The following ANXA2 variants were observed in gnomAD, a reference collection of about 807,000 sequenced individuals.
The protein encoded by ANXA2 is annexin A2.
ANXA2 carries 28 observed loss-of-function variants against 47.3 expected under a neutral mutation model. The ratio of observed to expected loss-of-function variants is 0.59; its 90% CI spans 0.44 to 0.81. The LOEUF is 0.81. Ranked by LOEUF, ANXA2 falls within the 40% of genes least tolerant of loss-of-function variation. The pLI is 0.00. For synonymous variants in ANXA2, 172 were observed against 155.5 expected, an observed-to-expected ratio of 1.11 and a Z score of -0.79; for missense variants, 384 against 414.3, an observed-to-expected ratio of 0.93 and a Z score of 0.64.
chr15:60,355,836 G>C, intron 7 of ANXA2, 83 bp downstream of exon 7: 1 of 1,166,560 alleles, frequency 8.6e-7, no homozygotes, highest in Non-Finnish European at 1.3e-6. Context: ...AGGGGATTTA[G>C]TTAATTCACT....
chr15:60,347,314 A>C lies in ANXA2; in HGVS notation c.*316T>G, dbSNP rs555423795. 4.5e-5 allele frequency: 17 copies of C among 381,640 alleles called. No homozygotes were observed. In the South Asian group the frequency reaches 6.4e-4, roughly 14 times the overall value. The allele number at this position is 381,640 out of a possible 1,614,324, so 23.6% of individuals were successfully genotyped here. ...ATTTTCAAACAATTCAGTTGAAAGC[A>C]GGGCCACAAAGTACGTGTTTCTAAA... On this transcript the variant is annotated 3_prime_UTR_variant, in exon 13 of 13. Transcript: ENST00000451270.
rs1595695000 is a variant in ANXA2 at position 60,377,362 on chromosome 15, A to C, written c.148+4980T>G. 2.0e-5 allele frequency among the ~76,000 whole-genome samples: 3 copies of C among 152,338 alleles called. No individual in the cohort carries two copies. The East Asian group carries it at 5.8e-4, about 29-fold the overall frequency. On this transcript the variant is annotated intron_variant, in intron 3 of 12. Coordinates refer to ENST00000451270, the MANE Select transcript of ANXA2 (RefSeq NM_004039.3). ...TGCCTTCCACTATGAAAGTAATACA[A>C]GTCATCATAGAAAATTTGCAAAATA...
At position 60,357,292 on chromosome 15, in the gene ANXA2, A is replaced by G; in HGVS notation, c.358-56T>C. On this transcript the variant is annotated intron_variant, in intron 5 of 12. Coordinates refer to ENST00000451270, the MANE Select transcript of ANXA2 (RefSeq NM_004039.3). ...GGAAATGCTTCCCCACCATTAGCCT[A>G]CTTCTCTGATCTCCATCAAGTAAAT... The G allele has an allele frequency of 2.1e-6, 3 of 1,424,710 alleles. No individual in the cohort carries two copies. The East Asian group carries it at 6.8e-5, about 32-fold the overall frequency. The allele number at this position is 1,424,710 out of a possible 1,614,324, so 88.3% of individuals were successfully genotyped here. A position where few individuals can be genotyped will look rare whatever the true frequency, so the allele number is the denominator to read the frequency against.
At chr15:60,381,079 CAAA>C (rs1357576898) in intron 3 of ANXA2, among the ~76,000 whole-genome samples, 3 of 152,062 alleles carry the variant, frequency 2.0e-5, no homozygotes, top group Non-Finnish European at 2.9e-5. Context: ...ATGTATCCTC[CAAA>C]ATAAGACAGT....
At chr15:60,348,998 T>A in intron 12 of ANXA2, 77 bp downstream of exon 12, 1 of 1,574,754 alleles carries the variant, frequency 6.4e-7, no homozygotes. Context: ...CACTCTGTCA[T>A]CATTCTGCCA....
chr15:60,391,773 A>G (rs1220803888), intron 1 of ANXA2, among the ~76,000 whole-genome samples: 1 of 152,162 alleles, frequency 6.6e-6, no homozygotes, highest in Non-Finnish European at 1.5e-5. Flanking sequence ...AAATCCATTA[A>G]AAACAGAACC....
At chr15:60,357,916 T>C (rs970402757) in intron 5 of ANXA2, among the ~76,000 whole-genome samples, 38 of 152,224 alleles carry the variant, frequency 2.5e-4, no homozygotes, top group African/African-American at 9.2e-4. Flanking sequence ...ATTTTTCACT[T>C]TCTACAATAA....
At position 60,371,313 on chromosome 15, in the gene ANXA2, G is replaced by A. The variant is rs192520086; in HGVS notation, c.149-6790C>T. On this transcript the variant is annotated intron_variant, in intron 3 of 12. Transcript: ENST00000451270. The stretch of plus-strand genomic sequence containing the variant: ...CACGGGGAGGTGTTGCTGACAGCAA[G>A]GTGCCAGTAGAAACCTGGGGGTCAT... Among the ~76,000 whole-genome samples, 8 of 152,328 alleles carry A rather than the reference G, an allele frequency of 5.3e-5. No homozygotes were observed. The East Asian group carries it at 1.5e-3, about 29-fold the overall frequency.
chr15:60,374,225 C>G (rs113664007), intron 3 of ANXA2, among the ~76,000 whole-genome samples: 1 of 152,172 alleles, frequency 6.6e-6, no homozygotes, highest in East Asian at 1.9e-4. Flanking sequence ...TAATCTAGAA[C>G]CTTGTCTGCC....
chr15:60,374,010 G>C (rs1025951832), intron 3 of ANXA2, among the ~76,000 whole-genome samples: 2 of 152,210 alleles, frequency 1.3e-5, no homozygotes, highest in Non-Finnish European at 2.9e-5. Flanking sequence ...AGGCAGGGGA[G>C]TTGGGTGCCT....
intron 3 of ANXA2, among the ~76,000 whole-genome samples, chr15:60,376,522 T>A (rs2062781260): frequency 6.6e-6 from 1 of 152,154 alleles, no homozygotes; most frequent in African/African-American, 2.4e-5. Context: ...TGGTTTTGTC[T>A]GCACACCTGG....
chr15:60,390,162 GA>G lies in ANXA2; in HGVS notation c.-11-4077del, dbSNP rs910360897. Reference sequence around the variant, plus strand: ...TTATACTATGTATAACCATTTTGCAGAAAAAAAAAACAAAACACAAACATCA... The same window carrying G: ...TTATACTATGTATAACCATTTTGCAGAAAAAAAAACAAAACACAAACATCA... On this transcript the variant is annotated intron_variant, in intron 1 of 12. Coordinates refer to ENST00000451270, the MANE Select transcript of ANXA2 (RefSeq NM_004039.3). The G allele has an allele frequency of 4.0e-4, 205 of 510,640 alleles. No individual in the cohort carries two copies. In the Middle Eastern group the frequency reaches 4.5e-3, roughly 11 times the overall value. 31.6% of individuals were successfully genotyped at this position (510,640 alleles called of 1,614,324 possible). A position where few individuals can be genotyped will look rare whatever the true frequency, so the allele number is the denominator to read the frequency against.
chr15:60,356,098 G>C (rs1193534509), intron 6 of ANXA2, 100 bp from the exon 7 acceptor site: 2 of 836,306 alleles, frequency 2.4e-6, no homozygotes, highest in Non-Finnish European at 4.0e-6. Context: ...AAGCAGAACA[G>C]CTACGTCAGC....
chr15:60,359,091 A>G (rs1019645551), intron 5 of ANXA2, among the ~76,000 whole-genome samples: 12 of 152,170 alleles, frequency 7.9e-5, no homozygotes, highest in African/African-American at 2.2e-4. Context: ...TTTTTTTTTA[A>G]GCATAGTTCA....
chr15:60,358,175 G>A (rs1055395270), intron 5 of ANXA2, among the ~76,000 whole-genome samples: 4 of 152,078 alleles, frequency 2.6e-5, no homozygotes, highest in Non-Finnish European at 5.9e-5. Context: ...AGGCACTTTA[G>A]GGAAGCAAAA....
intron 3 of ANXA2, among the ~76,000 whole-genome samples, chr15:60,370,137 T>C (rs1183387798): frequency 1.3e-5 from 2 of 152,220 alleles, no homozygotes; most frequent in Admixed American, 6.5e-5. Context: ...ACCTAAATTA[T>C]TTACCAAGCA....
At chr15:60,355,869 G>A in intron 7 of ANXA2, 50 bp downstream of exon 7, 1 of 1,429,392 alleles carries the variant, frequency 7.0e-7, no homozygotes, top group Non-Finnish European at 9.9e-7. Context: ...TGAGGTATGT[G>A]ACTTGCCTTG....
chr15:60,364,413 C>G lies in ANXA2; in HGVS notation c.243+16G>C. On this transcript the variant is annotated intron_variant, in intron 4 of 12. Transcript: ENST00000451270. Reference sequence around the variant, plus strand: ...ATTCAACAAGAAATGCCCTCCATCCCTGGAATTGCCTGTACCTTTTTGGTC... The same window carrying G: ...ATTCAACAAGAAATGCCCTCCATCCGTGGAATTGCCTGTACCTTTTTGGTC... 6.2e-7 allele frequency: 1 copy of G among 1,601,154 alleles called. No homozygotes were observed. Among genetic ancestry groups the G allele is most frequent in the Non-Finnish European group, 8.5e-7 (1 of 1,172,870 alleles).
At chr15:60,366,984 C>G (rs1326122797) in intron 3 of ANXA2, among the ~76,000 whole-genome samples, 2 of 78,120 alleles carry the variant, frequency 2.6e-5, no homozygotes, top group Non-Finnish European at 5.2e-5. Flanking sequence ...GGGGGGTCAG[C>G]CCCCCGCCCG....
Sources: gnomAD v4.1 joint callset for allele counts (sites outside exome capture counted in the v4.1 genomes callset) on GRCh38, gnomAD v4.1.1 for gene constraint, MANE v1.5 for transcripts, NCBI Gene and HGNC (gene_info 2026-07-23, HGNC 2026-07-21) for gene names.